The following ANKRD54 variants were observed in gnomAD, a reference collection of about 807,000 sequenced individuals.
ANKRD54 encodes ankyrin repeat domain-containing protein 54.
A neutral mutation model predicts 36.2 loss-of-function variants in ANKRD54; 26 were observed. The ratio of observed to expected loss-of-function variants is 0.72; its 90% CI spans 0.53 to 1.00. The LOEUF (loss-of-function observed/expected upper bound fraction) is 1.00, where lower values mean the gene tolerates loss of function less well. ANKRD54 is among the 50% of genes least tolerant of loss of function. The pLI, the probability that ANKRD54 is intolerant of heterozygous loss-of-function variation, is 0.00. For synonymous variants in ANKRD54, 209 were observed against 188.4 expected (o/e 1.11, Z -0.89); for missense variants, 384 against 424.3 (o/e 0.91, Z 0.83).
intron 3 of ANKRD54, among the ~76,000 whole-genome samples, chr22:37,838,083 C>T (rs933089775): frequency 7.9e-5 from 12 of 151,638 alleles, no homozygotes; most frequent in Non-Finnish European, 1.6e-4. Context: ...TACAGTGAAC[C>T]GAGATGGCAC....
At chr22:37,849,102 T>A, upstream of ANKRD54, 1 of 431,798 alleles carries the variant, frequency 2.3e-6, no homozygotes, top group East Asian at 3.7e-5. Context: ...CTCTCCTGCC[T>A]CAGCCTCCCG....
At chr22:37,842,655 C>A (rs1924425217) in intron 1 of ANKRD54, among the ~76,000 whole-genome samples, 1 of 152,186 alleles carries the variant, frequency 6.6e-6, no homozygotes, top group Non-Finnish European at 1.5e-5. Flanking sequence ...GAGATATGGT[C>A]AAAAATTGCA....
At position 37,833,292 on chromosome 22, in the gene ANKRD54, C is replaced by G. The variant is rs941550472; in HGVS notation, c.548-86G>C. The G allele has an allele frequency of 2.1e-5, 32 of 1,534,876 alleles. No homozygotes were observed. In the Admixed American group the frequency reaches 3.0e-4, roughly 15 times the overall value. On this transcript the variant is annotated intron_variant, in intron 4 of 7. Coordinates refer to ENST00000215941, the MANE Select transcript of ANKRD54 (RefSeq NM_138797.4). ...CACTGGAGGGAGCAGGGCTGTGTCT[C>G]CCAGACGCCTGTGCCAAGTTATGCC...
chr22:37,833,344 G>T, intron 4 of ANKRD54, 138 bp from the exon 5 acceptor site: 1 of 1,074,580 alleles, frequency 9.3e-7, no homozygotes, highest in Non-Finnish European at 1.4e-6. Context: ...CCAAGGCACA[G>T]CTAGGTAGGA....
upstream of ANKRD54, chr22:37,849,325 C>T: frequency 8.4e-7 from 1 of 1,193,582 alleles, no homozygotes; most frequent in Non-Finnish European, 1.3e-6. Flanking sequence ...TCTCAGATGG[C>T]CAGAGGCCTC....
At position 37,844,222 on chromosome 22, in the gene ANKRD54, CCGG is replaced by C. The variant is rs1381167409; in HGVS notation, c.14_16del (p.Ala5del). ...TGAGCGCGGCTCGTCGTCCGCGTCC[CCGG>C]CGGCGGCTGCCATGGCAACGGCTCC... On this transcript the variant is annotated inframe_deletion, in exon 1 of 8. Coordinates refer to ENST00000215941, the MANE Select transcript of ANKRD54 (RefSeq NM_138797.4). The C allele has an allele frequency of 6.5e-7, 1 of 1,535,056 alleles. No individual in the cohort carries two copies. The highest frequency in any genetic ancestry group is 8.7e-7 in the Non-Finnish European group (1 of 1,151,180).
At chr22:37,833,552 TG>T (rs1008052786) in intron 4 of ANKRD54, 131 bp downstream of exon 4, 3 of 974,510 alleles carry the variant, frequency 3.1e-6, no homozygotes, top group East Asian at 2.6e-5. Flanking sequence ...AGTGCAGCCC[TG>T]GGAGTGCAGG....
intron 7 of ANKRD54, 88 bp from the exon 8 acceptor site, chr22:37,832,105 C>A: frequency 7.9e-7 from 1 of 1,270,800 alleles, no homozygotes; most frequent in South Asian, 1.3e-5. Flanking sequence ...GCACAGAACA[C>A]AGGCACGGTC....
At chr22:37,832,144 G>T in intron 7 of ANKRD54, 127 bp from the exon 8 acceptor site, 1 of 865,492 alleles carries the variant, frequency 1.2e-6, no homozygotes, top group Non-Finnish European at 1.8e-6. Context: ...GGTGGCTTCT[G>T]ACTACGCAGC....
At position 37,831,892 on chromosome 22, in the gene ANKRD54, C is replaced by T. The variant is rs770239022; in HGVS notation, c.*51G>A. 1 of 1,588,416 alleles carries T rather than the reference C, an allele frequency of 6.3e-7. No individual in the cohort carries two copies. Among genetic ancestry groups the T allele is most frequent in the East Asian group, 2.2e-5 (1 of 44,692 alleles). On this transcript the variant is annotated 3_prime_UTR_variant, in exon 8 of 8. Coordinates refer to ENST00000215941, the MANE Select transcript of ANKRD54 (RefSeq NM_138797.4). ...GTTGGGCTTTTTCTTGGTACTGAGA[C>T]AGCAGTGGGGCAGGGTGGGGCAGTG...
Position 37,831,637 on chromosome 22 carries a change from G to C in ANKRD54, c.*306C>G. ...GCGCCATGAAGGCCATGGGGCAAGT[G>C]AGGTCTGCTGAGATAGCGCAGGTCT... On this transcript the variant is annotated 3_prime_UTR_variant, in exon 8 of 8. Transcript: ENST00000215941. 2.5e-6 allele frequency: 1 copy of C among 404,500 alleles called. No individual in the cohort carries two copies. Among genetic ancestry groups the C allele is most frequent in the Non-Finnish European group, 4.6e-6 (1 of 218,748 alleles). 25.1% of individuals were successfully genotyped at this position (404,500 alleles called of 1,614,324 possible).
chr22:37,838,703 G>T, intron 2 of ANKRD54, 105 bp from the exon 3 acceptor site: 1 of 1,106,914 alleles, frequency 9.0e-7, no homozygotes, highest in Non-Finnish European at 1.3e-6. Flanking sequence ...CTCTAGACAA[G>T]ACATCGACAA....
intron 3 of ANKRD54, chr22:37,834,697 CAAAAAAAAAAAAAAAAA>C (rs67811223): frequency 9.2e-5 from 4 of 43,408 alleles, no homozygotes; most frequent in South Asian, 3.8e-3. Context: ...GACCCTGTCT[CAAAAAAAAAAAAAAAAA>C]AAAAAAAAAA....
At chr22:37,834,858 C>A (rs575791883) in intron 3 of ANKRD54, 1 of 151,758 alleles carries the variant, frequency 6.6e-6, no homozygotes, top group African/African-American at 2.4e-5. Flanking sequence ...GTCAGGAGTT[C>A]AAGACCAGGC....
chr22:37,843,969 C>A lies in ANKRD54; in HGVS notation c.270G>T (p.Arg90=). Residue 90 remains arginine, a synonymous_variant, in exon 1 of 8, where the codon CGG becomes CGT. Coordinates refer to ENST00000215941, the MANE Select transcript of ANKRD54 (RefSeq NM_138797.4). ...DELRCKIPAG[R]LRRAARPHRR... is the part of the protein sequence containing the mutation. The stretch of plus-strand genomic sequence containing the variant: ...GGTGGGGCCTGGCAGCGCGCCTCAG[C>A]CGGCCAGCGGGTATCTTGCAGCGCA... 2.1e-6 allele frequency: 3 copies of A among 1,411,718 alleles called. No individual in the cohort carries two copies. Among genetic ancestry groups the A allele is most frequent in the South Asian group, 1.5e-5 (1 of 66,844 alleles). 87.4% of individuals were successfully genotyped at this position (1,411,718 alleles called of 1,614,324 possible). A position where few individuals can be genotyped will look rare whatever the true frequency, so the allele number is the denominator to read the frequency against.
At chr22:37,846,893 G>A (rs112931134), upstream of ANKRD54, among the ~76,000 whole-genome samples, 8 of 128,152 alleles carry the variant, frequency 6.2e-5, no homozygotes, top group South Asian at 2.4e-4. Flanking sequence ...TCGCTCTGTC[G>A]CCCAGGCTGG....
chr22:37,841,554 AC>A lies in ANKRD54; in HGVS notation c.329-1321del, dbSNP rs369955080. On this transcript the variant is annotated intron_variant, in intron 1 of 7. Coordinates refer to ENST00000215941, the MANE Select transcript of ANKRD54 (RefSeq NM_138797.4). ...CAAACACACACACACACACACACAC[AC>A]ACAAAAAACATAGGCCGGGCACAGT... is the stretch of plus-strand genomic sequence containing the variant. 5.4e-3 allele frequency among the ~76,000 whole-genome samples: 784 copies of A among 144,946 alleles called. 6 individuals are homozygous for A. The highest frequency in any genetic ancestry group is 0.018 in the African/African-American group (677 of 38,524).
intron 1 of ANKRD54, among the ~76,000 whole-genome samples, chr22:37,841,876 TAAATAAATAAATAAA>T (rs1052410461): frequency 6.9e-5 from 4 of 57,956 alleles, no homozygotes; most frequent in Admixed American, 5.9e-4. Context: ...AATAAATAAA[TAAATAAATAAATAAA>T]TAAATAAAAT....
At chr22:37,842,231 G>A (rs1004073440) in intron 1 of ANKRD54, among the ~76,000 whole-genome samples, 5 of 152,158 alleles carry the variant, frequency 3.3e-5, no homozygotes, top group African/African-American at 1.2e-4. Context: ...TGCAGCCTGG[G>A]TGGTAAAGCG....
Sources: allele counts gnomAD v4.1 joint callset (sites outside exome capture counted in the v4.1 genomes callset), GRCh38; gene constraint gnomAD v4.1.1; transcripts MANE v1.5; gene names NCBI Gene and HGNC (gene_info 2026-07-23, HGNC 2026-07-21).